GRID2: variants seen among roughly 807,000 people sequenced by gnomAD.
The protein encoded by GRID2 is glutamate ionotropic receptor delta type subunit 2, also known as glutamate receptor ionotropic, delta-2.
A neutral mutation model predicts 114.8 loss-of-function variants in GRID2; 33 were observed. That is an observed-to-expected ratio of 0.29 (90% CI 0.22 to 0.38). The LOEUF (loss-of-function observed/expected upper bound fraction) is 0.38. Among genes scored for constraint, GRID2 ranks in the 10% least tolerant of loss-of-function variants. The pLI, the probability that GRID2 is intolerant of heterozygous loss-of-function variation, is 1.00. For synonymous variants in GRID2, 505 were observed against 449.9 expected, an observed-to-expected ratio of 1.12 and a Z score of -1.55; for missense variants, 1,184 against 1,257.7, an observed-to-expected ratio of 0.94 and a Z score of 0.89.
intron 2 of GRID2, among the ~76,000 whole-genome samples, chr4:93,026,668 A>G (rs984100050): frequency 1.3e-5 from 2 of 151,762 alleles, no homozygotes; most frequent in Non-Finnish European, 3.0e-5. Flanking sequence ...ATTTTTCAGC[A>G]TTATAATTCC....
intron 4 of GRID2, among the ~76,000 whole-genome samples, chr4:93,169,853 C>T (rs575495529): frequency 3.3e-5 from 5 of 152,170 alleles, no homozygotes; most frequent in Non-Finnish European, 7.3e-5. Context: ...ACAATCCAAA[C>T]TTCTACTGAG....
intron 1 of GRID2, among the ~76,000 whole-genome samples, chr4:92,455,443 A>G (rs777749464): frequency 2.4e-4 from 36 of 152,262 alleles, no homozygotes; most frequent in Non-Finnish European, 3.7e-4. Context: ...TGAGAAGGAG[A>G]AGTACACCAT....
At chr4:93,490,128 T>C (rs1726836147) in intron 11 of GRID2, among the ~76,000 whole-genome samples, 1 of 151,812 alleles carries the variant, frequency 6.6e-6, no homozygotes, top group Non-Finnish European at 1.5e-5. Context: ...AGGAAGTCAA[T>C]TAAAAGTAGA....
chr4:92,429,880 T>G (rs1208879349), intron 1 of GRID2, among the ~76,000 whole-genome samples: 2 of 152,202 alleles, frequency 1.3e-5, no homozygotes, highest in African/African-American at 4.8e-5. Context: ...TTCATGTACC[T>G]GTTTGTTGTT....
chr4:93,212,534 CTTTA>C (rs1229127148), intron 5 of GRID2, among the ~76,000 whole-genome samples: 2 of 152,166 alleles, frequency 1.3e-5, no homozygotes, highest in Non-Finnish European at 2.9e-5. Context: ...TGGCTTAACA[CTTTA>C]TTTAAGTTTT....
chr4:92,683,521 A>T (rs1397257834), intron 2 of GRID2, among the ~76,000 whole-genome samples: 1 of 152,148 alleles, frequency 6.6e-6, no homozygotes, highest in Non-Finnish European at 1.5e-5. Flanking sequence ...ATTAGGATTT[A>T]ATTTGCCTGG....
At chr4:92,337,933 C>T (rs1027229897) in intron 1 of GRID2, among the ~76,000 whole-genome samples, 1 of 152,090 alleles carries the variant, frequency 6.6e-6, no homozygotes, top group Admixed American at 6.6e-5. Flanking sequence ...TATTCTTTGG[C>T]CATGAACTGC....
chr4:92,459,937 C>T (rs1239732663), intron 1 of GRID2, among the ~76,000 whole-genome samples: 1 of 148,858 alleles, frequency 6.7e-6, no homozygotes, highest in Non-Finnish European at 1.5e-5. Flanking sequence ...TTCAAACTGT[C>T]ACTCTTTCCT....
At chr4:93,626,931 C>T (rs753368264) in intron 14 of GRID2, among the ~76,000 whole-genome samples, 19 of 152,312 alleles carry the variant, frequency 1.2e-4, no homozygotes, top group South Asian at 4.1e-4. Flanking sequence ...CCCCGCTTAA[C>T]ATCAAAGTAT....
rs1345734008 is a variant in GRID2, at chr4:93,774,003, G to C, written c.*1505G>C. On this transcript the variant is annotated 3_prime_UTR_variant, in exon 16 of 16. Transcript: ENST00000282020. ...TAAGTAGGAAGCAAGAACTTATTCT[G>C]TGTTTTTACGCAGCCATACACTTAC... 1 of 152,068 alleles carries C rather than the reference G, an allele frequency of 6.6e-6. No homozygotes were observed. Among genetic ancestry groups the C allele is most frequent in the Admixed American group, 6.6e-5 (1 of 15,260 alleles). 9.4% of individuals were successfully genotyped at this position (152,068 alleles called of 1,614,324 possible).
chr4:92,373,008 A>G (rs747344320), intron 1 of GRID2, among the ~76,000 whole-genome samples: 1 of 152,158 alleles, frequency 6.6e-6, no homozygotes, highest in Non-Finnish European at 1.5e-5. Context: ...GCACATTGCA[A>G]CAAAGGAAAC....
At chr4:93,195,735 G>C (rs550832784) in intron 4 of GRID2, among the ~76,000 whole-genome samples, 2 of 152,312 alleles carry the variant, frequency 1.3e-5, no homozygotes, top group South Asian at 4.1e-4. Flanking sequence ...GCACCCAGTT[G>C]TGTGTTCCAT....
rs544225797 is a variant in GRID2, at chr4:92,919,966, A to T, written c.245-165029A>T. ...CAGTGGGGTGTTAAAGTCTTCCGTT[A>T]TTATTGTGTGGGAGTGTAAGTCTCT... On this transcript the variant is annotated intron_variant, in intron 2 of 15. Transcript: ENST00000282020. 3.9e-5 allele frequency among the ~76,000 whole-genome samples: 6 copies of T among 152,196 alleles called. No individual in the cohort carries two copies. The East Asian group carries it at 1.2e-3, about 29-fold the overall frequency.
At chr4:93,356,641 A>G (rs992455503) in intron 8 of GRID2, among the ~76,000 whole-genome samples, 8 of 151,930 alleles carry the variant, frequency 5.3e-5, no homozygotes. Flanking sequence ...TATATGTTGT[A>G]GATTCATTCT....
chr4:92,657,093 A>C (rs1366329200), intron 2 of GRID2, among the ~76,000 whole-genome samples: 1 of 151,684 alleles, frequency 6.6e-6, no homozygotes, highest in Non-Finnish European at 1.5e-5. Context: ...CAAATAGTAC[A>C]ATAAGAAAAG....
At chr4:93,040,232 A>G (rs1295334262) in intron 2 of GRID2, among the ~76,000 whole-genome samples, 1 of 151,782 alleles carries the variant, frequency 6.6e-6, no homozygotes, top group Non-Finnish European at 1.5e-5. Context: ...CTTAAAATTG[A>G]TGTGTTTGGG....
At chr4:93,373,259 C>G (rs61242475) in intron 8 of GRID2, among the ~76,000 whole-genome samples, 5,173 of 152,034 alleles carry the variant, frequency 0.034, 310 homozygotes, top group African/African-American at 0.12. Context: ...TTTCTGCCAT[C>G]TTTTGTTATC....
At chr4:92,710,668 A>G (rs1374721342) in intron 2 of GRID2, among the ~76,000 whole-genome samples, 1 of 152,148 alleles carries the variant, frequency 6.6e-6, no homozygotes, top group African/African-American at 2.4e-5. Flanking sequence ...TTTCCTTGAT[A>G]CACCCTTGAT....
chr4:93,418,538 C>T (rs909558848), intron 9 of GRID2, among the ~76,000 whole-genome samples: 1 of 152,064 alleles, frequency 6.6e-6, no homozygotes, highest in African/African-American at 2.4e-5. Context: ...TTCCAATATG[C>T]ATCTGAAAAT....
Sources: gnomAD v4.1 joint callset for allele counts (sites outside exome capture counted in the v4.1 genomes callset) on GRCh38, gnomAD v4.1.1 for gene constraint, MANE v1.5 for transcripts, NCBI Gene and HGNC (gene_info 2026-07-23, HGNC 2026-07-21) for gene names.